Variants in FAM8A1 observed in about 807,000 individuals in gnomAD.
The protein encoded by FAM8A1 is family with sequence similarity 8 member A1, also known as protein FAM8A1.
FAM8A1 carries 18 observed loss-of-function variants against 38.3 expected under a neutral mutation model. The ratio of observed to expected loss-of-function variants is 0.47; its 90% CI spans 0.33 to 0.70. The LOEUF (loss-of-function observed/expected upper bound fraction) is 0.70, where lower values mean the gene tolerates loss of function less well. Ranked by LOEUF, FAM8A1 falls within the 30% of genes least tolerant of loss-of-function variation. The pLI is 0.03. For synonymous variants in FAM8A1, 246 were observed against 234.4 expected (o/e 1.05, Z -0.45); for missense variants, 559 against 559.6 (o/e 1.00, Z 0.01).
intron 1 of FAM8A1, among the ~76,000 whole-genome samples, chr6:17,602,329 A>G (rs2735580): frequency 6.6e-6 from 1 of 152,188 alleles, no homozygotes; most frequent in Non-Finnish European, 1.5e-5. Flanking sequence ...GAGTCACTGC[A>G]CCTGGCCGTG....
At position 17,610,756 on chromosome 6, in the gene FAM8A1, C is replaced by T. The variant is rs909592468; in HGVS notation, c.*2417C>T. ...CTTCATTGTACAAACATATTCATCA[C>T]TTTAACAATAAGGGAACAAAATTTA... On this transcript the variant is annotated 3_prime_UTR_variant, in exon 5 of 5. Coordinates refer to ENST00000259963, the MANE Select transcript of FAM8A1 (RefSeq NM_016255.3). 6 of 152,142 alleles carry T rather than the reference C, an allele frequency of 3.9e-5. No individual in the cohort carries two copies. The highest frequency in any genetic ancestry group is 1.4e-4 in the African/African-American group (6 of 41,442). 9.4% of individuals were successfully genotyped at this position (152,142 alleles called of 1,614,324 possible). A position where few individuals can be genotyped will look rare whatever the true frequency, so the allele number is the denominator to read the frequency against.
Position 17,600,833 on chromosome 6 carries a change from T to C in FAM8A1, c.424T>C (p.Cys142Arg), listed in dbSNP as rs1763973157. Residue 142 changes from cysteine to arginine, a missense_variant, in exon 1 of 5, where the codon TGC becomes CGC. Cys to Arg is a radical substitution (Grantham distance 180, BLOSUM62 -3). This residue lies in a region of FAM8A1 where 393 missense variants were observed against 338.9 expected (regional missense o/e 1.16). Coordinates refer to ENST00000259963, the MANE Select transcript of FAM8A1 (RefSeq NM_016255.3). ...CGGCCTGGCCGCCTTCCCAGCCTAC[T>C]GCAGCCCCCAGCCCTCCCCGCAGAG... ...HSGLAAFPAY[C>R]SPQPSPQSFP... 6.2e-7 allele frequency: 1 copy of C among 1,610,456 alleles called. No individual in the cohort carries two copies. The highest frequency in any genetic ancestry group is 8.5e-7 in the Non-Finnish European group (1 of 1,179,640).
rs1764046986 is a variant in FAM8A1 at position 17,605,945 on chromosome 6, T to TGATA, written c.1030_1033dup (p.Thr345ArgfsTer20). 1.4e-5 allele frequency: 23 copies of TGATA among 1,591,298 alleles called. No homozygotes were observed. The highest frequency in any genetic ancestry group is 1.8e-5 in the Non-Finnish European group (21 of 1,164,806). On this transcript the variant is annotated frameshift_variant, in exon 4 of 5. Coordinates refer to ENST00000259963, the MANE Select transcript of FAM8A1 (RefSeq NM_016255.3). LOFTEE classifies it high-confidence loss of function. ...TGCTGGGGCTTCGAGTTGTGACATG[T>TGATA]GATACATCAGTGCTTATTGCACCAA... is the stretch of plus-strand genomic sequence containing the variant.
intron 2 of FAM8A1, 117 bp from the exon 3 acceptor site, chr6:17,604,789 T>C (rs1764029506): frequency 1.3e-6 from 1 of 776,056 alleles, no homozygotes; most frequent in Non-Finnish European, 2.0e-6. Context: ...TGGTTGGGAA[T>C]CTAAAGATTA....
At chr6:17,605,430 T>C (rs561032524) in intron 3 of FAM8A1, among the ~76,000 whole-genome samples, 11 of 152,224 alleles carry the variant, frequency 7.2e-5, no homozygotes, top group Non-Finnish European at 1.2e-4. Context: ...AATCGAAATT[T>C]ATAATTATTC....
chr6:17,601,139 G>A lies in FAM8A1; in HGVS notation c.712+18G>A. On this transcript the variant is annotated intron_variant, in intron 1 of 4. Coordinates refer to ENST00000259963, the MANE Select transcript of FAM8A1 (RefSeq NM_016255.3). ...ACAGGCAGGTGAGAAGCGCGAGGTG[G>A]AGGCTGGGCGGAGTAGAAGGGTTTT... The A allele has an allele frequency of 6.4e-7, 1 of 1,573,746 alleles. No individual in the cohort carries two copies. Among genetic ancestry groups the A allele is most frequent in the Non-Finnish European group, 8.6e-7 (1 of 1,162,546 alleles).
In FAM8A1 at chr6:17,611,480, A is replaced by G. The variant is rs1473842376; in HGVS notation, c.*3141A>G. On this transcript the variant is annotated 3_prime_UTR_variant, in exon 5 of 5. Transcript: ENST00000259963. ...AATCTGACAGACAAGTAACATGTCA[A>G]TTACTTGATATTCCTTGTCTCCAGT... 6 of 152,626 alleles carry G rather than the reference A, an allele frequency of 3.9e-5. No homozygotes were observed. Among genetic ancestry groups the G allele is most frequent in the Non-Finnish European group, 8.8e-5 (6 of 68,030 alleles). The allele number at this position is 152,626 out of a possible 1,614,324, so 9.5% of individuals were successfully genotyped here. A position where few individuals can be genotyped will look rare whatever the true frequency, so the allele number is the denominator to read the frequency against.
At chr6:17,607,806 T>A (rs1454676482) in intron 4 of FAM8A1, among the ~76,000 whole-genome samples, 3 of 152,230 alleles carry the variant, frequency 2.0e-5, no homozygotes, top group Admixed American at 1.3e-4. Context: ...TACTTTAAAA[T>A]GCATGTTTTT....
chr6:17,601,145 G>A (rs1475505839), intron 1 of FAM8A1, 24 bp downstream of exon 1: 1 of 1,567,816 alleles, frequency 6.4e-7, no homozygotes, highest in Admixed American at 1.9e-5. Flanking sequence ...GGTGGAGGCT[G>A]GGCGGAGTAG....
chr6:17,603,907 C>T (rs1236748706), intron 2 of FAM8A1, among the ~76,000 whole-genome samples: 1 of 151,948 alleles, frequency 6.6e-6, no homozygotes, highest in Non-Finnish European at 1.5e-5. Context: ...ATCATTGCTT[C>T]TCCCTACTCC....
intron 2 of FAM8A1, 113 bp downstream of exon 2, chr6:17,602,823 A>T: frequency 1.0e-6 from 1 of 978,530 alleles, no homozygotes. Flanking sequence ...TGTCAGTGTC[A>T]TGATTTCTTT....
Position 17,606,402 on chromosome 6 carries a change from G to T in FAM8A1, c.1097+389G>T, listed in dbSNP as rs536570414. On this transcript the variant is annotated intron_variant, in intron 4 of 4. Coordinates refer to ENST00000259963, the MANE Select transcript of FAM8A1 (RefSeq NM_016255.3). ...TTTTTAGTAGGGACGGGGTTTCACC[G>T]TGTTAACCAGGATGGTCTTGATCTC... 8.9e-4 allele frequency among the ~76,000 whole-genome samples: 135 copies of T among 152,120 alleles called. No homozygotes were observed. In the Middle Eastern group the frequency reaches 0.017, roughly 19 times the overall value.
Position 17,600,535 on chromosome 6 carries a change from CCCCCAGGCCGAACCCCAGG to C in FAM8A1, c.131_149del (p.Gln44ArgfsTer59). 1 of 1,528,754 alleles carries C rather than the reference CCCCCAGGCCGAACCCCAGG, an allele frequency of 6.5e-7. No homozygotes were observed. Among genetic ancestry groups the C allele is most frequent in the Non-Finnish European group, 8.8e-7 (1 of 1,141,990 alleles). 94.7% of individuals were successfully genotyped at this position (1,528,754 alleles called of 1,614,324 possible). A position where few individuals can be genotyped will look rare whatever the true frequency, so the allele number is the denominator to read the frequency against. ...CCGCCGTCCCATGCCCCCGCGACGA[CCCCCAGGCCGAACCCCAGG>C]CCCCGGGCCGGCCCACAGCCCCGGG... On this transcript the variant is annotated frameshift_variant, in exon 1 of 5. Coordinates refer to ENST00000259963, the MANE Select transcript of FAM8A1 (RefSeq NM_016255.3). LOFTEE classifies it high-confidence loss of function.
intron 4 of FAM8A1, among the ~76,000 whole-genome samples, chr6:17,607,066 C>A (rs978695096): frequency 4.6e-5 from 7 of 152,002 alleles, no homozygotes; most frequent in African/African-American, 1.7e-4. Context: ...CGAGACCATC[C>A]TGGCTAACAT....
Position 17,609,896 on chromosome 6 carries a change from G to A in FAM8A1, c.*1557G>A, listed in dbSNP as rs1398786810. 6.6e-6 allele frequency: 1 copy of A among 152,042 alleles called. No individual in the cohort carries two copies. The highest frequency in any genetic ancestry group is 6.6e-5 in the Admixed American group (1 of 15,256). 9.4% of individuals were successfully genotyped at this position (152,042 alleles called of 1,614,324 possible). On this transcript the variant is annotated 3_prime_UTR_variant, in exon 5 of 5. Transcript: ENST00000259963. ...ACTGTGACAACAGATATTCACATTTGATTATAGAAACTTAATGTCTATTAA... is the reference window on the plus strand; with the variant it reads ...ACTGTGACAACAGATATTCACATTTAATTATAGAAACTTAATGTCTATTAA...
chr6:17,603,148 A>G (rs888153778), intron 2 of FAM8A1, among the ~76,000 whole-genome samples: 3 of 152,262 alleles, frequency 2.0e-5, no homozygotes, highest in African/African-American at 7.2e-5. Flanking sequence ...CTGTGGGGCA[A>G]GTCCCAAGTG....
At position 17,604,104 on chromosome 6, in the gene FAM8A1, G is replaced by A. The variant is rs576144407; in HGVS notation, c.834-802G>A. Among the ~76,000 whole-genome samples, 6 of 151,724 alleles carry A rather than the reference G, an allele frequency of 4.0e-5. No homozygotes were observed. In the East Asian group the frequency reaches 1.2e-3, roughly 30 times the overall value. Reference sequence around the variant, plus strand: ...AAATGTTTATTGTTTTTTTAGAGATGGGGTCTGTGTTGCCCAGGTTGCTTT... The same window carrying A: ...AAATGTTTATTGTTTTTTTAGAGATAGGGTCTGTGTTGCCCAGGTTGCTTT... On this transcript the variant is annotated intron_variant, in intron 2 of 4. Transcript: ENST00000259963.
In FAM8A1 at chr6:17,610,044, A is replaced by C. The variant is rs1312334627; in HGVS notation, c.*1705A>C. The C allele has an allele frequency of 6.6e-6, 1 of 152,152 alleles. No homozygotes were observed. Among genetic ancestry groups the C allele is most frequent in the Non-Finnish European group, 1.5e-5 (1 of 67,982 alleles). The allele number at this position is 152,152 out of a possible 1,614,324, so 9.4% of individuals were successfully genotyped here. A position where few individuals can be genotyped will look rare whatever the true frequency, so the allele number is the denominator to read the frequency against. On this transcript the variant is annotated 3_prime_UTR_variant, in exon 5 of 5. Coordinates refer to ENST00000259963, the MANE Select transcript of FAM8A1 (RefSeq NM_016255.3). Reference sequence around the variant, plus strand: ...CTAAATAAATCATTCAGTTGCACCCATGGGGAAGATTGTGTTACTGCCCTT... The same window carrying C: ...CTAAATAAATCATTCAGTTGCACCCCTGGGGAAGATTGTGTTACTGCCCTT...
intron 4 of FAM8A1, among the ~76,000 whole-genome samples, chr6:17,606,391 G>A (rs958365036): frequency 1.3e-5 from 2 of 152,032 alleles, no homozygotes; most frequent in Admixed American, 6.5e-5. Flanking sequence ...TAGTAGGGAC[G>A]GGGTTTCACC....
Sources: allele counts gnomAD v4.1 joint callset (sites outside exome capture counted in the v4.1 genomes callset), GRCh38; gene constraint gnomAD v4.1.1; regional missense constraint gnomAD v4.1.1; transcripts MANE v1.5; gene names NCBI Gene and HGNC (gene_info 2026-07-23, HGNC 2026-07-21).